CCDC91: variants seen among roughly 807,000 people sequenced by gnomAD.
The protein encoded by CCDC91 is coiled-coil domain containing 91, also known as coiled-coil domain-containing protein 91.
A neutral mutation model predicts 63.2 loss-of-function variants in CCDC91; 48 were observed. The ratio of observed to expected loss-of-function variants is 0.76; its 90% CI spans 0.60 to 0.97. CCDC91 has a LOEUF of 0.97. Ranked by LOEUF, CCDC91 falls within the 50% of genes least tolerant of loss-of-function variation. The probability of loss-of-function intolerance (pLI) is 0.00; values close to 1 mark genes in which losing one functional copy is unlikely to be tolerated. For missense variants in CCDC91, 500 were observed against 494.6 expected (o/e 1.01, Z -0.10); for synonymous variants, 167 against 165.8 (o/e 1.01, Z -0.06).
chr12:28,206,607 AC>A (rs1204249057), intron 1 of CCDC91, among the ~76,000 whole-genome samples: 4 of 152,310 alleles, frequency 2.6e-5, no homozygotes, highest in African/African-American at 9.6e-5. Flanking sequence ...GAGTCTACTC[AC>A]TTAACTAAGT....
At chr12:28,548,488 C>T (rs1381762572) in intron 12 of CCDC91, among the ~76,000 whole-genome samples, 5 of 152,068 alleles carry the variant, frequency 3.3e-5, no homozygotes, top group East Asian at 3.9e-4. Flanking sequence ...CCAGGCTGGT[C>T]GCAAACTCCT....
intron 1 of CCDC91, among the ~76,000 whole-genome samples, chr12:28,222,982 T>C (rs1363005645): frequency 6.6e-6 from 1 of 152,214 alleles, no homozygotes. Flanking sequence ...CCATTCTTCT[T>C]ATTTCTTCTG....
rs543604958 is a variant in CCDC91 at position 28,477,385 on chromosome 12, T to A, written c.1102-6667T>A. Among the ~76,000 whole-genome samples, 6 of 152,280 alleles carry A rather than the reference T, an allele frequency of 3.9e-5. No individual in the cohort carries two copies. In the East Asian group the frequency reaches 1.2e-3, roughly 29 times the overall value. On this transcript the variant is annotated intron_variant, in intron 11 of 12. Transcript: ENST00000536442. ...AGACAAAACCACATGATTATCTTGATAGATGCAGAAAAGGCCTTTGACAAA... is the reference window on the plus strand; with the variant it reads ...AGACAAAACCACATGATTATCTTGAAAGATGCAGAAAAGGCCTTTGACAAA...
rs558572969 is a variant in CCDC91, at chr12:28,261,482, A to G, written c.109+2040A>G. On this transcript the variant is annotated intron_variant, in intron 3 of 12. Coordinates refer to ENST00000536442, the MANE Select transcript of CCDC91 (RefSeq NM_018318.5). ...ACAGAAATTAGAAGTAGAAAATTTCAAAGAAGCTATGGGCACTGATGCCAA... is the reference window on the plus strand; with the variant it reads ...ACAGAAATTAGAAGTAGAAAATTTCGAAGAAGCTATGGGCACTGATGCCAA... 1.3e-4 allele frequency among the ~76,000 whole-genome samples: 20 copies of G among 152,032 alleles called. No individual in the cohort carries two copies. The East Asian group carries it at 3.7e-3, about 28-fold the overall frequency.
At chr12:28,514,652 G>T (rs1322897319) in intron 12 of CCDC91, among the ~76,000 whole-genome samples, 3 of 151,812 alleles carry the variant, frequency 2.0e-5, no homozygotes, top group African/African-American at 7.2e-5. Context: ...TGCATCTTGA[G>T]TTGATTTTTG....
At position 28,306,749 on chromosome 12, in the gene CCDC91, A is replaced by T. The variant is rs757982802; in HGVS notation, c.275A>T (p.Gln92Leu). The T allele has an allele frequency of 6.2e-7, 1 of 1,605,226 alleles. No homozygotes were observed. Among genetic ancestry groups the T allele is most frequent in the African/African-American group, 1.3e-5 (1 of 74,350 alleles). The change falls in exon 5 of 13, where the codon CAA (glutamine) becomes CTA (leucine). Residue 92 changes from glutamine (Q) to leucine (L), a missense_variant. Gln to Leu is a moderately radical substitution (Grantham distance 113). Transcript: ENST00000536442. ...TTTTTTTATGTGGTTTAGATTCAGC[A>T]ATCAACACACACTCATCTGGATATC... is the stretch of plus-strand genomic sequence containing the variant. ...SQTIPKAQIQ[Q>L]STHTHLDISL... is the part of the protein sequence containing the mutation.
intron 8 of CCDC91, among the ~76,000 whole-genome samples, chr12:28,408,356 T>C (rs1947101128): frequency 6.6e-6 from 1 of 152,208 alleles, no homozygotes; most frequent in Non-Finnish European, 1.5e-5. Flanking sequence ...AGTATATATG[T>C]GTCACATTTT....
intron 3 of CCDC91, among the ~76,000 whole-genome samples, chr12:28,263,525 C>A (rs1259774255): frequency 1.3e-5 from 2 of 152,010 alleles, no homozygotes; most frequent in Non-Finnish European, 2.9e-5. Context: ...ATCAGAATTT[C>A]CTTCCTTTTT....
At chr12:28,387,109 C>G (rs1334472637) in intron 7 of CCDC91, among the ~76,000 whole-genome samples, 1 of 152,030 alleles carries the variant, frequency 6.6e-6, no homozygotes, top group Non-Finnish European at 1.5e-5. Context: ...GATAAATATT[C>G]AGTTATACAA....
rs1951678807 is a variant in CCDC91, at chr12:28,485,484, G to A, written c.1215+1319G>A. On this transcript the variant is annotated intron_variant, in intron 12 of 12. Coordinates refer to ENST00000536442, the MANE Select transcript of CCDC91 (RefSeq NM_018318.5). ...CCCAGCCATCCAGTGCTGTTAACTT[G>A]AAGTCAAATTTGGTATGATACAAAG... 2.0e-5 allele frequency among the ~76,000 whole-genome samples: 3 copies of A among 151,914 alleles called. No homozygotes were observed. The South Asian group carries it at 6.2e-4, about 32-fold the overall frequency.
chr12:28,443,057 C>A (rs939845930), intron 8 of CCDC91, among the ~76,000 whole-genome samples: 1 of 151,820 alleles, frequency 6.6e-6, no homozygotes, highest in African/African-American at 2.4e-5. Context: ...TTTCTAGTAT[C>A]CTGTATCTGT....
At chr12:28,520,168 C>G (rs1489833078) in intron 12 of CCDC91, among the ~76,000 whole-genome samples, 3 of 152,202 alleles carry the variant, frequency 2.0e-5, no homozygotes, top group African/African-American at 7.2e-5. Context: ...TATGGTTGAA[C>G]TAGTTTACAG....
chr12:28,520,876 G>A (rs1284327240), intron 12 of CCDC91, among the ~76,000 whole-genome samples: 2 of 152,072 alleles, frequency 1.3e-5, no homozygotes, highest in Non-Finnish European at 2.9e-5. Context: ...AAGATCAGAT[G>A]GTTGTAGATG....
intron 6 of CCDC91, among the ~76,000 whole-genome samples, chr12:28,352,042 A>T (rs572670090): frequency 3.1e-4 from 47 of 152,286 alleles, no homozygotes; most frequent in African/African-American, 1.1e-3. Flanking sequence ...AGTAAGATGA[A>T]TTTTTTTGTT....
chr12:28,239,462 G>C (rs1215994798), intron 1 of CCDC91, among the ~76,000 whole-genome samples: 1 of 152,114 alleles, frequency 6.6e-6, no homozygotes, highest in African/African-American at 2.4e-5. Flanking sequence ...AGTAAACCCT[G>C]TCAAGCAGTG....
intron 12 of CCDC91, among the ~76,000 whole-genome samples, chr12:28,528,577 A>T (rs1941473449): frequency 6.6e-6 from 1 of 152,062 alleles, no homozygotes; most frequent in Non-Finnish European, 1.5e-5. Flanking sequence ...CTGGAGCAAA[A>T]GTTCATGATG....
At chr12:28,434,369 G>A (rs1948785112) in intron 8 of CCDC91, among the ~76,000 whole-genome samples, 1 of 151,450 alleles carries the variant, frequency 6.6e-6, no homozygotes, top group Non-Finnish European at 1.5e-5. Flanking sequence ...ATATGATCAT[G>A]TGATTTTTTT....
chr12:28,311,505 C>T (rs551533481), intron 6 of CCDC91, among the ~76,000 whole-genome samples: 14 of 152,074 alleles, frequency 9.2e-5, no homozygotes, highest in Non-Finnish European at 1.5e-4. Context: ...AATCTAGGCT[C>T]AGTACTCGGC....
intron 3 of CCDC91, chr12:28,302,594 G>T: frequency 1.0e-6 from 1 of 972,192 alleles, no homozygotes; most frequent in Non-Finnish European, 1.2e-6. Flanking sequence ...AGGTCACAGA[G>T]GTCAGTACCT....
Sources: gnomAD v4.1 joint callset for allele counts (sites outside exome capture counted in the v4.1 genomes callset) on GRCh38, gnomAD v4.1.1 for gene constraint, MANE v1.5 for transcripts, NCBI Gene and HGNC (gene_info 2026-07-23, HGNC 2026-07-21) for gene names.